Variants in CYB5A observed in about 807,000 individuals in gnomAD.
CYB5A encodes the protein cytochrome b5.
Under a neutral mutation model 16.2 loss-of-function variants are expected in CYB5A, and 10 were observed. The ratio of observed to expected loss-of-function variants is 0.62; its 90% CI spans 0.38 to 1.04. CYB5A has a LOEUF of 1.04. Among genes scored for constraint, CYB5A ranks in the 50% least tolerant of loss-of-function variants. The probability of loss-of-function intolerance (pLI) is 0.01; values close to 1 mark genes in which losing one functional copy is unlikely to be tolerated. For synonymous variants in CYB5A, 62 were observed against 57.0 expected, an observed-to-expected ratio of 1.09 and a Z score of -0.40; for missense variants, 161 against 165.9, an observed-to-expected ratio of 0.97 and a Z score of 0.16.
In CYB5A at chr18:74,253,488, C is replaced by A; in HGVS notation, c.*96G>T. 2.7e-6 allele frequency: 2 copies of A among 747,392 alleles called. No homozygotes were observed. Among genetic ancestry groups the A allele is most frequent in the Non-Finnish European group, 4.8e-6 (2 of 416,970 alleles). 46.3% of individuals were successfully genotyped at this position (747,392 alleles called of 1,614,324 possible). Reference sequence around the variant, plus strand: ...AGAGATATATTAAAATCATTGTTTTCAAGTGAAGGTTTCTGTCAGTTGAAG... The same window carrying A: ...AGAGATATATTAAAATCATTGTTTTAAAGTGAAGGTTTCTGTCAGTTGAAG... On this transcript the variant is annotated 3_prime_UTR_variant, in exon 5 of 5. Transcript: ENST00000340533.
intron 1 of CYB5A, among the ~76,000 whole-genome samples, chr18:74,284,252 A>AAT (rs1555690735): frequency 6.8e-6 from 1 of 147,364 alleles, no homozygotes; most frequent in Non-Finnish European, 1.5e-5. Context: ...AAAAAAAAAA[A>AAT]AGAGAGATTA....
rs1033304655 is a variant in CYB5A, at chr18:74,253,650, C to A, written c.339G>T (p.Trp113Cys). ...IDSSSSWWTN[W>C]VIPAISAVAV... ...CCACTGCAGAGATGGCAGGGATCACCCAGTTGGTCCACCAACTAGAAAGAC... is the reference window on the plus strand; with the variant it reads ...CCACTGCAGAGATGGCAGGGATCACACAGTTGGTCCACCAACTAGAAAGAC... The change falls in exon 5 of 5, where the codon TGG becomes TGT. Residue 113 changes from tryptophan to cysteine, a missense_variant. Physicochemically the swap from Trp to Cys is radical, Grantham distance 215. Transcript: ENST00000340533. 9.3e-6 allele frequency: 15 copies of A among 1,612,758 alleles called. No individual in the cohort carries two copies. Among genetic ancestry groups the A allele is most frequent in the Non-Finnish European group, 1.2e-5 (14 of 1,179,146 alleles).
intron 1 of CYB5A, among the ~76,000 whole-genome samples, chr18:74,286,075 T>TTACAGAG (rs1983309396): frequency 6.6e-6 from 1 of 152,128 alleles, no homozygotes; most frequent in Non-Finnish European, 1.5e-5. Context: ...AAAAGGGAGA[T>TTACAGAG]TACAGAGCAG....
At chr18:74,290,220 A>G (rs1983480840) in intron 1 of CYB5A, among the ~76,000 whole-genome samples, 1 of 152,052 alleles carries the variant, frequency 6.6e-6, no homozygotes, top group Non-Finnish European at 1.5e-5. Flanking sequence ...TTACCAATAA[A>G]CATCAACTCC....
intron 1 of CYB5A, among the ~76,000 whole-genome samples, chr18:74,268,215 G>A (rs1026984615): frequency 6.6e-6 from 1 of 152,222 alleles, no homozygotes; most frequent in Admixed American, 6.5e-5. Context: ...AATGTCCTCA[G>A]GTGAAAGAGT....
At chr18:74,265,760 CA>C (rs1331959830) in intron 1 of CYB5A, among the ~76,000 whole-genome samples, 2 of 152,236 alleles carry the variant, frequency 1.3e-5, no homozygotes, top group Admixed American at 1.3e-4. Context: ...CCACACATCT[CA>C]TGGCGAGAGA....
In CYB5A at chr18:74,254,665, G is replaced by A. The variant is rs193078488; in HGVS notation, c.324-1000C>T. 1.1e-4 allele frequency among the ~76,000 whole-genome samples: 17 copies of A among 151,582 alleles called. No homozygotes were observed. In the East Asian group the frequency reaches 1.4e-3, roughly 12 times the overall value. ...CTCCCGAGTAGCTGGAACTACAGGC[G>A]CCCGCCACCATGCCCGGCTAATTTT... On this transcript the variant is annotated intron_variant, in intron 4 of 4. Coordinates refer to ENST00000340533, the MANE Select transcript of CYB5A (RefSeq NM_148923.4).
rs1982183980 is a variant in CYB5A at position 74,261,165 on chromosome 18, T to C, written c.259-221A>G. ...TATTTTCTATCTAGAGTTCCAAAGT[T>C]TCGAACAGCACCCATGACAGCTCTC... is the stretch of plus-strand genomic sequence containing the variant. On this transcript the variant is annotated intron_variant, in intron 2 of 4. Transcript: ENST00000340533. 1.2e-5 allele frequency: 6 copies of C among 507,354 alleles called. 1 individual carries two copies. The South Asian group carries it at 1.2e-4, about 10-fold the overall frequency. The allele number at this position is 507,354 out of a possible 1,614,324, so 31.4% of individuals were successfully genotyped here.
intron 1 of CYB5A, among the ~76,000 whole-genome samples, chr18:74,266,463 G>A (rs1790896): frequency 0.96 from 145,998 of 152,302 alleles, 70,200 homozygotes; most frequent in East Asian, 1. Context: ...TTCAAAGGAC[G>A]ACTTCGAGTG....
At chr18:74,264,206 G>A (rs1322430276) in intron 1 of CYB5A, among the ~76,000 whole-genome samples, 5 of 23,174 alleles carry the variant, frequency 2.2e-4, no homozygotes, top group African/African-American at 4.2e-4. Flanking sequence ...GTGAGACTCT[G>A]TCTCAAAAAA....
At chr18:74,256,282 C>T (rs1036658657) in intron 3 of CYB5A, 1 of 171,076 alleles carries the variant, frequency 5.8e-6, no homozygotes, top group African/African-American at 2.4e-5. Context: ...TTAAGTTCTA[C>T]ATTCTAGGCC....
At chr18:74,284,258 G>GA in intron 1 of CYB5A, among the ~76,000 whole-genome samples, 1 of 147,142 alleles carries the variant, frequency 6.8e-6, no homozygotes. Flanking sequence ...AAAAAAGAGA[G>GA]ATTAAAAGCA....
intron 1 of CYB5A, among the ~76,000 whole-genome samples, chr18:74,277,618 C>A (rs1230387332): frequency 6.6e-6 from 1 of 152,160 alleles, no homozygotes; most frequent in Non-Finnish European, 1.5e-5. Context: ...GCATCAGGTG[C>A]AGGAGTCATG....
chr18:74,284,666 G>A (rs1314120612), intron 1 of CYB5A, among the ~76,000 whole-genome samples: 4 of 152,102 alleles, frequency 2.6e-5, no homozygotes, highest in Non-Finnish European at 5.9e-5. Context: ...AGGCTCCCGT[G>A]CCCACCAGCC....
chr18:74,260,785 G>A lies in CYB5A; in HGVS notation c.288+130C>T, dbSNP rs556039809. 83 of 802,698 alleles carry A rather than the reference G, an allele frequency of 1.0e-4. 5 individuals carry two copies. Among genetic ancestry groups the A allele is most frequent in the Non-Finnish European group, 1.4e-4 (66 of 455,520 alleles). 49.7% of individuals were successfully genotyped at this position (802,698 alleles called of 1,614,324 possible). ...TAAAAAATACTTGCTGAGCCAGTAG[G>A]TTACATATTCATTTATCTAGAAAGA... On this transcript the variant is annotated intron_variant, in intron 3 of 4. Coordinates refer to ENST00000340533, the MANE Select transcript of CYB5A (RefSeq NM_148923.4).
At chr18:74,256,893 A>G (rs761684030) in intron 3 of CYB5A, 3 of 1,586,376 alleles carry the variant, frequency 1.9e-6, no homozygotes, top group East Asian at 2.2e-5. Context: ...ATTTAAAAAT[A>G]AAATTGCAAA....
chr18:74,266,169 G>C (rs1212464269), intron 1 of CYB5A, among the ~76,000 whole-genome samples: 1 of 152,184 alleles, frequency 6.6e-6, no homozygotes, highest in African/African-American at 2.4e-5. Context: ...GAAACTTCTG[G>C]ATTCCTCGCC....
chr18:74,254,667 C>T (rs1286513986), intron 4 of CYB5A, among the ~76,000 whole-genome samples: 1 of 151,678 alleles, frequency 6.6e-6, no homozygotes, highest in Non-Finnish European at 1.5e-5. Flanking sequence ...CTACAGGCGC[C>T]CGCCACCATG....
In CYB5A at chr18:74,252,237, G is replaced by A. The variant is rs1471395745; in HGVS notation, c.*1347C>T. The A allele has an allele frequency of 6.6e-6, 1 of 152,226 alleles. No homozygotes were observed. Among genetic ancestry groups the A allele is most frequent in the African/African-American group, 2.4e-5 (1 of 41,450 alleles). The allele number at this position is 152,226 out of a possible 1,614,324, so 9.4% of individuals were successfully genotyped here. On this transcript the variant is annotated 3_prime_UTR_variant, in exon 5 of 5. Coordinates refer to ENST00000340533, the MANE Select transcript of CYB5A (RefSeq NM_148923.4). ...CCTCGTGGTTTGTCAGCTCATGCCAGTGCAAATGCAGTCACAGCCAATGAC... is the reference window on the plus strand; with the variant it reads ...CCTCGTGGTTTGTCAGCTCATGCCAATGCAAATGCAGTCACAGCCAATGAC...
Sources: gnomAD v4.1 joint callset for allele counts (sites outside exome capture counted in the v4.1 genomes callset) on GRCh38, gnomAD v4.1.1 for gene constraint, MANE v1.5 for transcripts, NCBI Gene and HGNC (gene_info 2026-07-23, HGNC 2026-07-21) for gene names.